Variants in SNAP29 observed in about 807,000 individuals in gnomAD.
The protein encoded by SNAP29 is synaptosomal-associated protein 29.
In SNAP29, 13 loss-of-function variants were observed where a neutral mutation model predicts 27.9. The ratio of observed to expected loss-of-function variants is 0.47; its 90% CI spans 0.30 to 0.74. The LOEUF (loss-of-function observed/expected upper bound fraction) is 0.74, where lower values mean the gene tolerates loss of function less well. Ranked by LOEUF, SNAP29 falls within the 30% of genes least tolerant of loss-of-function variation. The pLI, the probability that SNAP29 is intolerant of heterozygous loss-of-function variation, is 0.06. For synonymous variants in SNAP29, 119 were observed against 127.1 expected (o/e 0.94, Z 0.43); for missense variants, 368 against 336.5 (o/e 1.09, Z -0.73).
chr22:20,870,731 T>C, intron 2 of SNAP29, 198 bp downstream of exon 2: 2 of 647,788 alleles, frequency 3.1e-6, no homozygotes, highest in Non-Finnish European at 5.6e-6. Flanking sequence ...GATTGACATC[T>C]AGTCTGTCAA....
intron 4 of SNAP29, among the ~76,000 whole-genome samples, chr22:20,885,213 C>A (rs1270813265): frequency 2.0e-5 from 3 of 152,184 alleles, no homozygotes; most frequent in Non-Finnish European, 4.4e-5. Context: ...GAGCAGAAAT[C>A]TCCCCCGTGG....
At chr22:20,887,343 C>T (rs532366364) in intron 4 of SNAP29, among the ~76,000 whole-genome samples, 1 of 152,152 alleles carries the variant, frequency 6.6e-6, no homozygotes, top group African/African-American at 2.4e-5. Context: ...AGTAAGAAGG[C>T]TTACAAAGCA....
chr22:20,872,955 G>C (rs1928634681), intron 2 of SNAP29, among the ~76,000 whole-genome samples: 2 of 144,318 alleles, frequency 1.4e-5, no homozygotes, highest in South Asian at 4.4e-4. Context: ...TCAGCCTCCT[G>C]AGTAGCTGGG....
At position 20,890,480 on chromosome 22, in the gene SNAP29, G is replaced by A; in HGVS notation, c.*2644G>A. 1 of 395,036 alleles carries A rather than the reference G, an allele frequency of 2.5e-6. No homozygotes were observed. Among genetic ancestry groups the A allele is most frequent in the Non-Finnish European group, 4.5e-6 (1 of 224,080 alleles). The allele number at this position is 395,036 out of a possible 1,614,324, so 24.5% of individuals were successfully genotyped here. On this transcript the variant is annotated 3_prime_UTR_variant, in exon 5 of 5. Coordinates refer to ENST00000215730, the MANE Select transcript of SNAP29 (RefSeq NM_004782.4). ...GCTACTAACTTAAAAAATAGTGGCTGGGCGCGGTGGCTCATGCCTGTAATC... is the reference window on the plus strand; with the variant it reads ...GCTACTAACTTAAAAAATAGTGGCTAGGCGCGGTGGCTCATGCCTGTAATC...
Position 20,890,322 on chromosome 22 carries a change from T to G in SNAP29, c.*2486T>G. 1 of 398,630 alleles carries G rather than the reference T, an allele frequency of 2.5e-6. No homozygotes were observed. 24.7% of individuals were successfully genotyped at this position (398,630 alleles called of 1,614,324 possible). A position where few individuals can be genotyped will look rare whatever the true frequency, so the allele number is the denominator to read the frequency against. On this transcript the variant is annotated 3_prime_UTR_variant, in exon 5 of 5. Transcript: ENST00000215730. The stretch of plus-strand genomic sequence containing the variant: ...CATTTCATGGAGACAAGCAAAATGG[T>G]GCCAGGGCTGGGCTGACTGTGGGAT...
intron 2 of SNAP29, among the ~76,000 whole-genome samples, chr22:20,876,215 A>G (rs1199077252): frequency 1.3e-5 from 2 of 150,484 alleles, no homozygotes; most frequent in African/African-American, 4.9e-5. Context: ...CAAAACCTTT[A>G]ATCCATAAAT....
intron 1 of SNAP29, among the ~76,000 whole-genome samples, chr22:20,864,449 A>G (rs189991714): frequency 2.4e-4 from 36 of 152,262 alleles, no homozygotes; most frequent in Admixed American, 2.1e-3. Flanking sequence ...GAGGCCATCA[A>G]GGTGTCCCCG....
chr22:20,878,264 G>A (rs1345891309), intron 2 of SNAP29, among the ~76,000 whole-genome samples: 2 of 152,106 alleles, frequency 1.3e-5, no homozygotes, highest in African/African-American at 2.4e-5. Context: ...AAGGCAGGCC[G>A]GGCACGGTGG....
At position 20,888,040 on chromosome 22, in the gene SNAP29, T is replaced by C. The variant is rs1929061519; in HGVS notation, c.*204T>C. The C allele has an allele frequency of 5.2e-6, 3 of 580,618 alleles. No individual in the cohort carries two copies. The highest frequency in any genetic ancestry group is 9.2e-6 in the Non-Finnish European group (3 of 327,750). 36.0% of individuals were successfully genotyped at this position (580,618 alleles called of 1,614,324 possible). On this transcript the variant is annotated 3_prime_UTR_variant, in exon 5 of 5. Transcript: ENST00000215730. ...TAGGGTTAACACCTCACCAAGTTCT[T>C]CCAGCAAAATGCTTATTAGAGTTTT...
chr22:20,863,246 C>G (rs1928373147), intron 1 of SNAP29, among the ~76,000 whole-genome samples: 1 of 152,172 alleles, frequency 6.6e-6, no homozygotes, highest in South Asian at 2.1e-4. Flanking sequence ...ATGAGCTCTT[C>G]CAACCCTCAG....
chr22:20,882,584 C>T (rs547890880), intron 3 of SNAP29, among the ~76,000 whole-genome samples: 19 of 152,026 alleles, frequency 1.2e-4, no homozygotes, highest in African/African-American at 4.1e-4. Flanking sequence ...AGACTAACAT[C>T]ATCAGCACAG....
chr22:20,874,574 CAAA>C (rs758177794), intron 2 of SNAP29, among the ~76,000 whole-genome samples: 21 of 98,338 alleles, frequency 2.1e-4, no homozygotes, highest in African/African-American at 3.3e-4. Flanking sequence ...GACCCTATCT[CAAA>C]AAAAAAAAAA....
At chr22:20,861,606 TTTTTTGTTTTTG>T (rs966072144) in intron 1 of SNAP29, among the ~76,000 whole-genome samples, 3 of 152,016 alleles carry the variant, frequency 2.0e-5, no homozygotes, top group East Asian at 3.9e-4. Flanking sequence ...CCTGGCTAAT[TTTTTTGTTTTTG>T]TTTTTGTTTT....
chr22:20,883,380 C>T (rs1163968900), intron 3 of SNAP29, 91 bp from the exon 4 acceptor site: 1 of 874,964 alleles, frequency 1.1e-6, no homozygotes, highest in Non-Finnish European at 1.9e-6. Context: ...TCCTTCCACC[C>T]ATTTTCCAGA....
rs1012021392 is a variant in SNAP29, at chr22:20,888,117, G to T, written c.*281G>T. 3 of 427,722 alleles carry T rather than the reference G, an allele frequency of 7.0e-6. No homozygotes were observed. Among genetic ancestry groups the T allele is most frequent in the African/African-American group, 6.1e-5 (3 of 49,578 alleles). 26.5% of individuals were successfully genotyped at this position (427,722 alleles called of 1,614,324 possible). A position where few individuals can be genotyped will look rare whatever the true frequency, so the allele number is the denominator to read the frequency against. ...CATATCTTGGGCGTTTGATTACCAT[G>T]CTGGAATAAGAAGAGTTGCATTTCT... On this transcript the variant is annotated 3_prime_UTR_variant, in exon 5 of 5. Coordinates refer to ENST00000215730, the MANE Select transcript of SNAP29 (RefSeq NM_004782.4).
At position 20,880,702 on chromosome 22, in the gene SNAP29, C is replaced by CT. The variant is rs201953872; in HGVS notation, c.435-339dup. Among the ~76,000 whole-genome samples the CT allele has an allele frequency of 3.1e-4, 47 of 151,084 alleles. No individual in the cohort carries two copies. In the East Asian group the frequency reaches 6.8e-3, roughly 22 times the overall value. ...CTCGATGCTACACTGCTTTTTTTTT[C>CT]TTTTTTTTCAGTAAAGACAAGGTCT... On this transcript the variant is annotated intron_variant, in intron 2 of 4. Coordinates refer to ENST00000215730, the MANE Select transcript of SNAP29 (RefSeq NM_004782.4).
chr22:20,873,004 A>G (rs1928635756), intron 2 of SNAP29, among the ~76,000 whole-genome samples: 2 of 149,566 alleles, frequency 1.3e-5, no homozygotes, highest in African/African-American at 4.9e-5. Context: ...TAATTTTTGT[A>G]TTTTTAGGAG....
intron 1 of SNAP29, among the ~76,000 whole-genome samples, chr22:20,868,584 T>C (rs1928514194): frequency 1.3e-5 from 2 of 151,482 alleles, no homozygotes; most frequent in South Asian, 4.2e-4. Flanking sequence ...TTTTTTTGAC[T>C]TTGTTTTTAG....
At chr22:20,882,579 A>G (rs1394511090) in intron 3 of SNAP29, among the ~76,000 whole-genome samples, 1 of 152,038 alleles carries the variant, frequency 6.6e-6, no homozygotes, top group Non-Finnish European at 1.5e-5. Flanking sequence ...AGGAGAGACT[A>G]ACATCATCAG....
Sources: gnomAD v4.1 joint callset for allele counts (sites outside exome capture counted in the v4.1 genomes callset) on GRCh38, gnomAD v4.1.1 for gene constraint, MANE v1.5 for transcripts, NCBI Gene and HGNC (gene_info 2026-07-23, HGNC 2026-07-21) for gene names.